The following DCAF8L2 variants were observed in gnomAD, a reference collection of about 807,000 sequenced individuals.
DCAF8L2 encodes the protein DDB1- and CUL4-associated factor 8-like protein 2.
For synonymous variants in DCAF8L2, 200 were observed against 190.9 expected (o/e 1.05, Z -0.39); for missense variants, 430 against 490.7 (o/e 0.88, Z 1.17).
At chrX:27,523,406 CTGAGTGTG>C in the DCAF8L2 span, among the ~76,000 whole-genome samples, 1 of 58,157 alleles carries the variant, frequency 1.7e-5, no homozygotes, top group East Asian at 7.2e-4. Context: ...TTTCTGTCTA[CTGAGTGTG>C]TGTGTGTGTG....
At chrX:27,717,217 A>G (rs1173272303) in intron 4 of DCAF8L2, among the ~76,000 whole-genome samples, 1 of 112,547 alleles carries the variant, frequency 8.9e-6, no homozygotes, top group East Asian at 2.8e-4. Flanking sequence ...TCTCTTTAAT[A>G]GAATGATTTA....
At chrX:27,662,045 A>T in intron 2 of DCAF8L2, among the ~76,000 whole-genome samples, 1 of 112,147 alleles carries the variant, frequency 8.9e-6, no homozygotes, top group Non-Finnish European at 1.9e-5. Flanking sequence ...AAATATTTTC[A>T]AATTTCGGCA....
the DCAF8L2 span, among the ~76,000 whole-genome samples, chrX:27,504,446 G>A: frequency 9.0e-6 from 1 of 111,379 alleles, no homozygotes; most frequent in African/African-American, 3.3e-5. Flanking sequence ...ACAAATAGTA[G>A]GACATGTGTA....
chrX:27,661,229 C>A (rs1051066331), intron 2 of DCAF8L2, among the ~76,000 whole-genome samples: 1 of 111,681 alleles, frequency 9.0e-6, no homozygotes, highest in African/African-American at 3.3e-5. Flanking sequence ...ATGTGGATTG[C>A]TGGAGATCTA....
At chrX:27,520,855 A>T in the DCAF8L2 span, among the ~76,000 whole-genome samples, 1 of 112,070 alleles carries the variant, frequency 8.9e-6, no homozygotes, top group African/African-American at 3.2e-5. Context: ...TCTGGAGAGA[A>T]TGTGAATTTA....
At chrX:27,741,959 G>C (rs920208042) in intron 4 of DCAF8L2, among the ~76,000 whole-genome samples, 3 of 111,894 alleles carry the variant, frequency 2.7e-5, no homozygotes. Flanking sequence ...ACCTAGGCTA[G>C]CTTGCTTTCA....
At chrX:27,495,516 A>T in the DCAF8L2 span, among the ~76,000 whole-genome samples, 1 of 112,111 alleles carries the variant, frequency 8.9e-6, no homozygotes, top group African/African-American at 3.2e-5. Flanking sequence ...TCGTCACGAT[A>T]TTGAATTTTC....
chrX:27,705,565 T>C (rs1011004363), intron 3 of DCAF8L2, among the ~76,000 whole-genome samples: 3 of 110,725 alleles, frequency 2.7e-5, no homozygotes, highest in African/African-American at 6.6e-5. Flanking sequence ...CTTTTTTTCA[T>C]ATGCTTGTTG....
intron 3 of DCAF8L2, among the ~76,000 whole-genome samples, chrX:27,699,599 G>A (rs1420808501): frequency 9.0e-6 from 1 of 111,660 alleles, no homozygotes; most frequent in Non-Finnish European, 1.9e-5. Context: ...GGCCAGAGAC[G>A]ATGATGTCTC....
the DCAF8L2 span, among the ~76,000 whole-genome samples, chrX:27,548,556 A>T: frequency 1.1e-4 from 12 of 112,005 alleles, no homozygotes; most frequent in African/African-American, 3.9e-4. Flanking sequence ...GTCCTGGAGC[A>T]GAGCTACACC....
intron 3 of DCAF8L2, among the ~76,000 whole-genome samples, chrX:27,707,417 G>T (rs891564612): frequency 3.6e-5 from 4 of 111,349 alleles, no homozygotes; most frequent in Non-Finnish European, 7.5e-5. Context: ...TGGGTAGATG[G>T]CTAGAGACAC....
chrX:27,615,336 A>G (rs1006040082), intron 1 of DCAF8L2, among the ~76,000 whole-genome samples: 86 of 112,017 alleles, frequency 7.7e-4, no homozygotes, highest in African/African-American at 2.6e-3. Flanking sequence ...ACATTTGAAC[A>G]TAATGAATCA....
At chrX:27,643,388 G>A (rs1928814055) in intron 2 of DCAF8L2, among the ~76,000 whole-genome samples, 2 of 103,315 alleles carry the variant, frequency 1.9e-5, no homozygotes, top group Non-Finnish European at 3.9e-5. Context: ...TTTGCAAAAT[G>A]TCTATGTATG....
chrX:27,682,214 C>G (rs1023285093), intron 3 of DCAF8L2, among the ~76,000 whole-genome samples: 1 of 111,831 alleles, frequency 8.9e-6, no homozygotes, highest in Admixed American at 9.5e-5. Context: ...ATCCTCCTGC[C>G]TCGTCCTCCC....
chrX:27,471,867 T>A, the DCAF8L2 span, among the ~76,000 whole-genome samples: 1 of 111,572 alleles, frequency 9.0e-6, no homozygotes, highest in Non-Finnish European at 1.9e-5. Context: ...CATCAAAGAA[T>A]GTGTAAAAAT....
chrX:27,599,360 G>C (rs1287054598), intron 1 of DCAF8L2, among the ~76,000 whole-genome samples: 1 of 111,085 alleles, frequency 9.0e-6, no homozygotes, highest in Non-Finnish European at 1.9e-5. Context: ...GTGGTTGCCA[G>C]TGGTTGGGAG....
In DCAF8L2 at chrX:27,606,377, A is replaced by T. The variant is rs1173955652; in HGVS notation, c.-342+15937A>T. On this transcript the variant is annotated intron_variant, in intron 1 of 4. Transcript: ENST00000451261. ...TCTAGGAATATATATATATATATATATATATTCTTTTGAGACAGAGTCTCA... is the reference window on the plus strand; with the variant it reads ...TCTAGGAATATATATATATATATATTTATATTCTTTTGAGACAGAGTCTCA... Among the ~76,000 whole-genome samples the T allele has an allele frequency of 2.8e-3, 222 of 79,901 alleles. 4 individuals are homozygous for T. Among genetic ancestry groups the T allele is most frequent in the Admixed American group, 4.7e-3 (32 of 6,827 alleles). The allele number at this position is 79,901 out of a possible 115,157, so 69.4% of individuals were successfully genotyped here.
At chrX:27,700,772 A>G (rs937668773) in intron 3 of DCAF8L2, among the ~76,000 whole-genome samples, 2 of 111,223 alleles carry the variant, frequency 1.8e-5, no homozygotes, top group Admixed American at 1.9e-4. Flanking sequence ...TTCACTGCAC[A>G]TTATTTCTAG....
chrX:27,647,531 C>T (rs1361055464), intron 2 of DCAF8L2, among the ~76,000 whole-genome samples: 1 of 111,522 alleles, frequency 9.0e-6, no homozygotes, highest in African/African-American at 3.3e-5. Context: ...TGTAACAAAC[C>T]TGCACATCCT....
Sources: allele counts gnomAD v4.1 joint callset (sites outside exome capture counted in the v4.1 genomes callset), GRCh38; gene constraint gnomAD v4.1.1; transcripts MANE v1.5; gene names NCBI Gene and HGNC (gene_info 2026-07-23, HGNC 2026-07-21).